MICOS10: variants seen among roughly 807,000 people sequenced by gnomAD.
MICOS10 encodes the protein MICOS complex subunit MIC10.
Under a neutral mutation model 13.4 loss-of-function variants are expected in MICOS10, and 5 were observed. That is an observed-to-expected ratio of 0.37 (90% confidence interval 0.20 to 0.78). The LOEUF is 0.78. Among genes scored for constraint, MICOS10 ranks in the 30% least tolerant of loss-of-function variants. MICOS10 has a pLI of 0.47. For missense variants in MICOS10, 101 were observed against 94.6 expected (o/e 1.07, Z -0.28); for synonymous variants, 35 against 33.6 (o/e 1.04, Z -0.15).
chr1:19,611,469 ATTT>A (rs768118529), intron 1 of MICOS10, among the ~76,000 whole-genome samples: 6 of 90,306 alleles, frequency 6.6e-5, no homozygotes, highest in African/African-American at 1.6e-4. Context: ...TTGCAACTTG[ATTT>A]TTTTTTTTTT....
At chr1:19,598,022 T>C (rs573776675) in intron 1 of MICOS10, 25 of 152,260 alleles carry the variant, frequency 1.6e-4, no homozygotes, top group African/African-American at 6.0e-4. Context: ...TAGGATTGTG[T>C]CTTTGAATGA....
intron 3 of MICOS10, chr1:19,625,386 T>C (rs2094918284): frequency 1.6e-6 from 2 of 1,288,756 alleles, no homozygotes; most frequent in Non-Finnish European, 2.0e-6. Flanking sequence ...GCACCTGCCA[T>C]TTTAGAACCT....
chr1:19,626,064 A>G (rs553895967), intron 3 of MICOS10, among the ~76,000 whole-genome samples: 2 of 152,322 alleles, frequency 1.3e-5, no homozygotes, highest in South Asian at 2.1e-4. Context: ...TGGCAAGGCC[A>G]TGTAGTTCGT....
intron 1 of MICOS10, among the ~76,000 whole-genome samples, chr1:19,618,681 G>A (rs567042316): frequency 6.2e-4 from 95 of 152,306 alleles, no homozygotes; most frequent in Non-Finnish European, 1.1e-3. Context: ...TCTTGCTGCA[G>A]CATCAGTGCT....
At chr1:19,623,171 T>A (rs2094910293) in intron 2 of MICOS10, among the ~76,000 whole-genome samples, 1 of 152,134 alleles carries the variant, frequency 6.6e-6, no homozygotes, top group African/African-American at 2.4e-5. Context: ...TCCGCCCGCC[T>A]ACGCCTCCCA....
intron 1 of MICOS10, among the ~76,000 whole-genome samples, chr1:19,615,627 C>T (rs2094881046): frequency 1.3e-5 from 2 of 148,798 alleles, no homozygotes; most frequent in South Asian, 4.2e-4. Flanking sequence ...GGCTGGAGTG[C>T]AGTGGCACAA....
Position 19,625,736 on chromosome 1 carries a change from GT to G in MICOS10, c.223-650del, listed in dbSNP as rs968749081. 1.1e-5 allele frequency: 12 copies of G among 1,135,992 alleles called. No homozygotes were observed. In the African/African-American group the frequency reaches 2.0e-4, roughly 19 times the overall value. 70.4% of individuals were successfully genotyped at this position (1,135,992 alleles called of 1,614,324 possible). On this transcript the variant is annotated intron_variant, in intron 3 of 3. Coordinates refer to ENST00000322753, the MANE Select transcript of MICOS10 (RefSeq NM_001032363.4). ...ATGTATTTAATGGCTGGGAGTTCCTGTGGAAAATATTGTTCCATTTTTTACA... is the reference window on the plus strand; with the variant it reads ...ATGTATTTAATGGCTGGGAGTTCCTGGGAAAATATTGTTCCATTTTTTACA...
chr1:19,620,215 T>C (rs1194598095), intron 1 of MICOS10, among the ~76,000 whole-genome samples: 1 of 152,268 alleles, frequency 6.6e-6, no homozygotes, highest in Non-Finnish European at 1.5e-5. Context: ...AAACCTTTCA[T>C]GTTTTATTGT....
intron 1 of MICOS10, among the ~76,000 whole-genome samples, chr1:19,611,944 T>A (rs2094863927): frequency 7.2e-6 from 1 of 138,454 alleles, no homozygotes; most frequent in Non-Finnish European, 1.5e-5. Context: ...TGTATTGTAG[T>A]CTGGTGACAG....
intron 1 of MICOS10, among the ~76,000 whole-genome samples, chr1:19,598,623 AAAG>A (rs1486328075): frequency 2.0e-5 from 3 of 150,532 alleles, no homozygotes; most frequent in Non-Finnish European, 3.0e-5. Flanking sequence ...AAAAAAAAAA[AAAG>A]GAGAAGAAGA....
intron 1 of MICOS10, among the ~76,000 whole-genome samples, chr1:19,609,094 A>C (rs1296322755): frequency 7.3e-6 from 1 of 137,482 alleles, no homozygotes; most frequent in Non-Finnish European, 1.5e-5. Flanking sequence ...AGCCTCCTGG[A>C]CTCATGATCC....
chr1:19,618,660 G>C (rs2094893262), intron 1 of MICOS10, among the ~76,000 whole-genome samples: 1 of 152,142 alleles, frequency 6.6e-6, no homozygotes, highest in South Asian at 2.1e-4. Flanking sequence ...CAGCGGTTTG[G>C]GCCCGGCCTG....
At chr1:19,623,153 C>T (rs2094910178) in intron 2 of MICOS10, among the ~76,000 whole-genome samples, 1 of 152,068 alleles carries the variant, frequency 6.6e-6, no homozygotes. Flanking sequence ...GATCTCCTGA[C>T]CTCGTGATCC....
intron 1 of MICOS10, chr1:19,600,994 G>C (rs961862713): frequency 8.5e-6 from 11 of 1,289,200 alleles, no homozygotes; most frequent in South Asian, 1.2e-5. Flanking sequence ...CTGTTTGGTT[G>C]TCTTATACCT....
intron 1 of MICOS10, among the ~76,000 whole-genome samples, chr1:19,609,880 C>T (rs1443452800): frequency 2.6e-5 from 4 of 152,178 alleles, no homozygotes; most frequent in African/African-American, 4.8e-5. Flanking sequence ...CACGGTGGCT[C>T]ATGCCTGTAA....
intron 3 of MICOS10, among the ~76,000 whole-genome samples, chr1:19,623,981 G>C (rs928240148): frequency 6.6e-6 from 1 of 152,150 alleles, no homozygotes; most frequent in African/African-American, 2.4e-5. Flanking sequence ...CCATGATTCT[G>C]CTTTTTATTA....
chr1:19,620,635 ATT>A (rs1358060283), intron 1 of MICOS10, among the ~76,000 whole-genome samples: 1 of 152,222 alleles, frequency 6.6e-6, no homozygotes, highest in African/African-American at 2.4e-5. Flanking sequence ...CTTACTTCAT[ATT>A]TATACTTGCA....
intron 3 of MICOS10, among the ~76,000 whole-genome samples, chr1:19,625,799 A>C (rs1445569230): frequency 6.6e-6 from 1 of 152,088 alleles, no homozygotes; most frequent in East Asian, 1.9e-4. Context: ...TTGTAACTTT[A>C]TCTGGACTTG....
At chr1:19,626,256 G>C (rs1240580610) in intron 3 of MICOS10, 131 bp from the exon 4 acceptor site, 12 of 1,034,270 alleles carry the variant, frequency 1.2e-5, no homozygotes, top group Non-Finnish European at 1.6e-5. Context: ...CCTGTTGTGA[G>C]ACAGTTTTAA....
Sources: gnomAD v4.1 joint callset for allele counts (sites outside exome capture counted in the v4.1 genomes callset) on GRCh38, gnomAD v4.1.1 for gene constraint, MANE v1.5 for transcripts, NCBI Gene and HGNC (gene_info 2026-07-23, HGNC 2026-07-21) for gene names.